Variants in ASAP1 observed in about 807,000 individuals in gnomAD.
ASAP1 encodes ArfGAP with SH3 domain, ankyrin repeat and PH domain 1.
A neutral mutation model predicts 145.2 loss-of-function variants in ASAP1; 43 were observed. The ratio of observed to expected loss-of-function variants is 0.30; its 90% CI spans 0.23 to 0.38. The LOEUF is 0.38. Ranked by LOEUF, ASAP1 falls within the 10% of genes least tolerant of loss-of-function variation. The pLI, the probability that ASAP1 is intolerant of heterozygous loss-of-function variation, is 1.00. For synonymous variants in ASAP1, 546 were observed against 515.5 expected, an observed-to-expected ratio of 1.06 and a Z score of -0.80; for missense variants, 1,018 against 1,355.3, an observed-to-expected ratio of 0.75 and a Z score of 3.91.
At chr8:130,072,830 C>CGCACGCGCG (rs1448184178) in intron 27 of ASAP1, among the ~76,000 whole-genome samples, 4 of 31,922 alleles carry the variant, frequency 1.3e-4, no homozygotes, top group South Asian at 1.1e-3. Flanking sequence ...TGTGTGCGCG[C>CGCACGCGCG]GGGGGGGGGC....
intron 3 of ASAP1, among the ~76,000 whole-genome samples, chr8:130,249,849 G>A (rs1819084550): frequency 6.6e-6 from 1 of 152,018 alleles, no homozygotes; most frequent in South Asian, 2.1e-4. Context: ...AAATTTGACT[G>A]CCCCTCAGAT....
chr8:130,123,764 C>G (rs932720033), intron 18 of ASAP1, among the ~76,000 whole-genome samples: 1 of 152,000 alleles, frequency 6.6e-6, no homozygotes, highest in African/African-American at 2.4e-5. Context: ...GTAGCTGGGA[C>G]TACAAAGTGC....
chr8:130,260,384 C>A (rs1819821752), intron 3 of ASAP1, among the ~76,000 whole-genome samples: 1 of 152,208 alleles, frequency 6.6e-6, no homozygotes, highest in African/African-American at 2.4e-5. Context: ...GTTTTAGCCA[C>A]TTTTCTCTTA....
At chr8:130,422,598 T>G (rs971819601) in intron 1 of ASAP1, among the ~76,000 whole-genome samples, 1 of 152,088 alleles carries the variant, frequency 6.6e-6, no homozygotes, top group Non-Finnish European at 1.5e-5. Flanking sequence ...AACCCTTCCT[T>G]CTCTGTGCTC....
At position 130,148,221 on chromosome 8, in the gene ASAP1, G is replaced by GA. The variant is rs78044875; in HGVS notation, c.1080+4514dup. On this transcript the variant is annotated intron_variant, in intron 13 of 29. Coordinates refer to ENST00000518721, the MANE Select transcript of ASAP1 (RefSeq NM_018482.4). ...ACCTAACAACAATCTGGCAGCTGAG[G>GA]AAAAAAAAACCCTATGATACAGTAG... 9.2e-3 allele frequency among the ~76,000 whole-genome samples: 1,387 copies of GA among 151,044 alleles called. 13 individuals are homozygous for GA. Among genetic ancestry groups the GA allele is most frequent in the Non-Finnish European group, 0.014 (958 of 67,682 alleles).
At chr8:130,184,719 T>G (rs1399289056) in intron 7 of ASAP1, among the ~76,000 whole-genome samples, 1 of 152,238 alleles carries the variant, frequency 6.6e-6, no homozygotes, top group Non-Finnish European at 1.5e-5. Flanking sequence ...ATCTGATGTT[T>G]TAGTTTACGT....
chr8:130,267,070 G>C (rs1338472269), intron 3 of ASAP1, among the ~76,000 whole-genome samples: 1 of 145,106 alleles, frequency 6.9e-6, no homozygotes, highest in African/African-American at 2.5e-5. Context: ...AGAGGACAAA[G>C]AAGTAGTACA....
At chr8:130,127,475 C>T (rs1229595542) in intron 16 of ASAP1, among the ~76,000 whole-genome samples, 1 of 152,182 alleles carries the variant, frequency 6.6e-6, no homozygotes, top group East Asian at 1.9e-4. Flanking sequence ...CCTCAGCCTC[C>T]CAAAGTGCTG....
chr8:130,186,738 G>A (rs868836264), intron 7 of ASAP1, among the ~76,000 whole-genome samples: 1 of 152,078 alleles, frequency 6.6e-6, no homozygotes, highest in Admixed American at 6.6e-5. Context: ...GCCTCTCCAG[G>A]TTTCAGTTTC....
intron 5 of ASAP1, among the ~76,000 whole-genome samples, chr8:130,201,820 T>C (rs1815890680): frequency 1.3e-5 from 2 of 152,226 alleles, no homozygotes; most frequent in African/African-American, 2.4e-5. Context: ...TCTTTTTCCC[T>C]AGAATAAAAC....
chr8:130,109,623 G>A (rs1408983009), intron 24 of ASAP1, among the ~76,000 whole-genome samples: 1 of 152,008 alleles, frequency 6.6e-6, no homozygotes, highest in Admixed American at 6.6e-5. Flanking sequence ...TCATGCAAAT[G>A]GTTCTATCAG....
intron 1 of ASAP1, among the ~76,000 whole-genome samples, chr8:130,423,625 G>C (rs2138721762): frequency 6.6e-6 from 1 of 152,312 alleles, no homozygotes; most frequent in Admixed American, 6.5e-5. Context: ...ATTCAACATG[G>C]AAGGAGAGTC....
chr8:130,185,409 A>T (rs1324728349), intron 7 of ASAP1, among the ~76,000 whole-genome samples: 2 of 152,204 alleles, frequency 1.3e-5, no homozygotes, highest in African/African-American at 2.4e-5. Context: ...GTCTTCACCA[A>T]ATTTAGATTG....
At chr8:130,298,786 G>A (rs925514758) in intron 3 of ASAP1, among the ~76,000 whole-genome samples, 3 of 151,924 alleles carry the variant, frequency 2.0e-5, no homozygotes, top group African/African-American at 4.8e-5. Flanking sequence ...TCTTTGACTC[G>A]GGAGACAAGG....
intron 2 of ASAP1, among the ~76,000 whole-genome samples, chr8:130,398,897 G>C (rs952900135): frequency 6.6e-6 from 1 of 152,200 alleles, no homozygotes; most frequent in Non-Finnish European, 1.5e-5. Flanking sequence ...GTAGTGTGGA[G>C]GAAAAGATTT....
intron 11 of ASAP1, among the ~76,000 whole-genome samples, chr8:130,163,336 C>A (rs770186702): frequency 6.6e-6 from 1 of 152,154 alleles, no homozygotes; most frequent in Non-Finnish European, 1.5e-5. Context: ...ATCATTAAGA[C>A]GTTCCTTATA....
chr8:130,131,420 T>C (rs928369114), intron 15 of ASAP1, among the ~76,000 whole-genome samples: 1 of 151,884 alleles, frequency 6.6e-6, no homozygotes. Flanking sequence ...TGGACTGCCA[T>C]TACCTCCTAC....
intron 18 of ASAP1, among the ~76,000 whole-genome samples, chr8:130,120,207 T>A (rs1168979332): frequency 1.3e-5 from 2 of 152,238 alleles, no homozygotes; most frequent in African/African-American, 2.4e-5. Flanking sequence ...TAGAGCCTGA[T>A]GAATTAGAGG....
intron 5 of ASAP1, among the ~76,000 whole-genome samples, chr8:130,213,118 T>C (rs1194115992): frequency 6.6e-6 from 1 of 152,206 alleles, no homozygotes; most frequent in African/African-American, 2.4e-5. Context: ...TCTGAATAAA[T>C]GAGGTTTATA....
Sources: gnomAD v4.1 joint callset for allele counts (sites outside exome capture counted in the v4.1 genomes callset) on GRCh38, gnomAD v4.1.1 for gene constraint, MANE v1.5 for transcripts, NCBI Gene and HGNC (gene_info 2026-07-23, HGNC 2026-07-21) for gene names.